CSMD1: variants seen among roughly 807,000 people sequenced by gnomAD.
The protein encoded by CSMD1 is CUB and sushi domain-containing protein 1.
A neutral mutation model predicts 417.5 loss-of-function variants in CSMD1; 213 were observed. The ratio of observed to expected loss-of-function variants is 0.51; its 90% CI spans 0.46 to 0.57. CSMD1 has a LOEUF of 0.57. CSMD1 is among the 20% of genes least tolerant of loss of function. The pLI is 0.00. For missense variants in CSMD1, 6,923 were observed against 4,529.7 expected (o/e 1.53, Z -15.17); for synonymous variants, 2,862 against 1,736.8 (o/e 1.65, Z -16.11).
chr8:3,223,187 T>C (rs1226898110), intron 28 of CSMD1, among the ~76,000 whole-genome samples: 1 of 152,230 alleles, frequency 6.6e-6, no homozygotes, highest in African/African-American at 2.4e-5. Flanking sequence ...GTATTAGACC[T>C]TCCATCGTCT....
intron 1 of CSMD1, among the ~76,000 whole-genome samples, chr8:4,648,454 G>C (rs549837373): frequency 6.6e-6 from 1 of 152,074 alleles, no homozygotes; most frequent in Non-Finnish European, 1.5e-5. Flanking sequence ...GCATGAAATA[G>C]ATCTTCCTCA....
chr8:3,786,794 G>C (rs1196490988), intron 5 of CSMD1, among the ~76,000 whole-genome samples: 1 of 152,274 alleles, frequency 6.6e-6, no homozygotes, highest in East Asian at 1.9e-4. Flanking sequence ...TGCGTCCTCA[G>C]GTGGTAGAGA....
chr8:4,009,393 A>G (rs1816376818), intron 4 of CSMD1, among the ~76,000 whole-genome samples: 1 of 152,232 alleles, frequency 6.6e-6, no homozygotes, highest in Non-Finnish European at 1.5e-5. Context: ...GCAAACTGCC[A>G]TGTTTATCAT....
intron 2 of CSMD1, among the ~76,000 whole-genome samples, chr8:4,604,410 T>TGTGTGTGTGTGTGTGTGCGCGC (rs59349269): frequency 3.4e-5 from 5 of 146,152 alleles, no homozygotes; most frequent in South Asian, 2.2e-4. Context: ...TGTGTGTGTG[T>TGTGTGTGTGTGTGTGTGCGCGC]GCGCGTGCGT....
intron 3 of CSMD1, among the ~76,000 whole-genome samples, chr8:4,103,662 C>G (rs1273569762): frequency 6.6e-6 from 1 of 151,992 alleles, no homozygotes; most frequent in Non-Finnish European, 1.5e-5. Flanking sequence ...ATCTGATATG[C>G]CACATTTTTA....
At chr8:3,852,043 A>C (rs983001138) in intron 5 of CSMD1, among the ~76,000 whole-genome samples, 2 of 152,182 alleles carry the variant, frequency 1.3e-5, no homozygotes, top group South Asian at 4.1e-4. Flanking sequence ...CCTGTATGAA[A>C]AATAAGAATG....
rs530682657 is a variant in CSMD1, at chr8:2,938,232, C to G, written c.*353G>C. 9.8e-6 allele frequency: 2 copies of G among 203,248 alleles called. No individual in the cohort carries two copies. Among genetic ancestry groups the G allele is most frequent in the East Asian group, 2.3e-4 (2 of 8,692 alleles). 12.6% of individuals were successfully genotyped at this position (203,248 alleles called of 1,614,324 possible). A position where few individuals can be genotyped will look rare whatever the true frequency, so the allele number is the denominator to read the frequency against. Reference sequence around the variant, plus strand: ...CACCTGAGGGACATATCCACGAGCCCAGACGATTGCATTGAAAGGCATCTC... The same window carrying G: ...CACCTGAGGGACATATCCACGAGCCGAGACGATTGCATTGAAAGGCATCTC... On this transcript the variant is annotated 3_prime_UTR_variant, in exon 70 of 70. Coordinates refer to ENST00000635120, the MANE Select transcript of CSMD1 (RefSeq NM_033225.6).
chr8:4,378,289 G>A (rs546666280), intron 3 of CSMD1, among the ~76,000 whole-genome samples: 3 of 152,266 alleles, frequency 2.0e-5, no homozygotes, highest in South Asian at 2.1e-4. Flanking sequence ...TATAATCCAT[G>A]CAAAGTAACT....
intron 2 of CSMD1, among the ~76,000 whole-genome samples, chr8:4,532,477 A>C (rs899121811): frequency 7.1e-6 from 1 of 140,676 alleles, no homozygotes; most frequent in African/African-American, 2.7e-5. Context: ...CCCCATTCAC[A>C]GTCACTCCGG....
At chr8:4,048,281 T>G (rs2130677012) in intron 3 of CSMD1, among the ~76,000 whole-genome samples, 1 of 152,304 alleles carries the variant, frequency 6.6e-6, no homozygotes, top group South Asian at 2.1e-4. Flanking sequence ...TTACACTAAT[T>G]ATGAGCATAA....
chr8:4,571,771 T>G (rs1798905879), intron 2 of CSMD1, among the ~76,000 whole-genome samples: 1 of 152,178 alleles, frequency 6.6e-6, no homozygotes, highest in Non-Finnish European at 1.5e-5. Context: ...TAAGTCTCTT[T>G]GTACGTCTCT....
intron 14 of CSMD1, 53 bp from the exon 15 acceptor site, chr8:3,406,274 C>T (rs1009865372): frequency 2.6e-5 from 36 of 1,411,584 alleles, no homozygotes; most frequent in African/African-American, 1.0e-4. Flanking sequence ...GTATTAATTA[C>T]ATGTATTAAA....
intron 1 of CSMD1, among the ~76,000 whole-genome samples, chr8:4,947,880 T>C (rs1051903672): frequency 9.2e-5 from 14 of 152,120 alleles, no homozygotes; most frequent in African/African-American, 3.1e-4. Flanking sequence ...TGTGAACATA[T>C]TGCAAGGTGT....
At chr8:4,952,196 T>C (rs977918517) in intron 1 of CSMD1, among the ~76,000 whole-genome samples, 1 of 152,042 alleles carries the variant, frequency 6.6e-6, no homozygotes, top group Non-Finnish European at 1.5e-5. Context: ...AGTAATGTAA[T>C]CAAAACGTAA....
At chr8:4,284,440 C>T (rs927311593) in intron 3 of CSMD1, among the ~76,000 whole-genome samples, 25 of 144,902 alleles carry the variant, frequency 1.7e-4, no homozygotes, top group African/African-American at 6.3e-4. Flanking sequence ...AGGGTACCTC[C>T]ACTCCGTGTT....
intron 12 of CSMD1, among the ~76,000 whole-genome samples, chr8:3,435,742 G>T (rs755493653): frequency 6.6e-6 from 1 of 152,078 alleles, no homozygotes; most frequent in South Asian, 2.1e-4. Flanking sequence ...ACTCAATCAG[G>T]TTCTTCCTCG....
intron 3 of CSMD1, among the ~76,000 whole-genome samples, chr8:4,105,166 C>G (rs1222961525): frequency 2.0e-5 from 3 of 152,114 alleles, no homozygotes; most frequent in Non-Finnish European, 4.4e-5. Context: ...AATTAGATAT[C>G]CATTCCATGG....
At chr8:4,742,119 T>C (rs1006209656) in intron 1 of CSMD1, among the ~76,000 whole-genome samples, 20 of 141,802 alleles carry the variant, frequency 1.4e-4, no homozygotes, top group Non-Finnish European at 2.4e-4. Flanking sequence ...CAAGCTCCGC[T>C]TCCCGGGTTC....
chr8:4,277,642 A>C (rs1365643001), intron 3 of CSMD1, among the ~76,000 whole-genome samples: 1 of 152,230 alleles, frequency 6.6e-6, no homozygotes, highest in Non-Finnish European at 1.5e-5. Flanking sequence ...GGATATGCAG[A>C]AACAACCTGT....
Sources: gnomAD v4.1 joint callset for allele counts (sites outside exome capture counted in the v4.1 genomes callset) on GRCh38, gnomAD v4.1.1 for gene constraint, MANE v1.5 for transcripts, NCBI Gene and HGNC (gene_info 2026-07-23, HGNC 2026-07-21) for gene names.